Variants in CNTN4 observed in about 807,000 individuals in gnomAD.
CNTN4 encodes contactin 4.
Under a neutral mutation model 122.5 loss-of-function variants are expected in CNTN4, and 77 were observed. The observed-to-expected ratio is 0.63, with a 90% confidence interval of 0.52 to 0.76. The LOEUF (loss-of-function observed/expected upper bound fraction) is 0.76. CNTN4 is among the 30% of genes least tolerant of loss of function. The pLI is 0.00. For missense variants in CNTN4, 1,256 were observed against 1,259.1 expected, an observed-to-expected ratio of 1.00 and a Z score of 0.04; for synonymous variants, 512 against 447.0, an observed-to-expected ratio of 1.15 and a Z score of -1.83.
chr3:2,343,450 C>G (rs2044282626), intron 3 of CNTN4, among the ~76,000 whole-genome samples: 1 of 152,162 alleles, frequency 6.6e-6, no homozygotes, highest in South Asian at 2.1e-4. Flanking sequence ...TGTAACTTCA[C>G]TTCAGTCTCT....
At chr3:2,948,587 A>G (rs539279121) in intron 13 of CNTN4, among the ~76,000 whole-genome samples, 1 of 152,248 alleles carries the variant, frequency 6.6e-6, no homozygotes, top group African/African-American at 2.4e-5. Context: ...AAACAAAAAA[A>G]TATTTTTCTG....
chr3:3,032,266 T>C (rs1699228539), intron 16 of CNTN4, among the ~76,000 whole-genome samples: 1 of 152,244 alleles, frequency 6.6e-6, no homozygotes, highest in Non-Finnish European at 1.5e-5. Flanking sequence ...AAAAGAATTC[T>C]GTTGCTGAAA....
intron 4 of CNTN4, among the ~76,000 whole-genome samples, chr3:2,706,112 A>T (rs1332807244): frequency 6.6e-6 from 1 of 150,446 alleles, no homozygotes; most frequent in Admixed American, 6.8e-5. Context: ...TAGAGATTAG[A>T]CATCTATTAA....
rs935917842 is a variant in CNTN4, at chr3:2,239,995, G to T, written c.-144-99183G>T. Reference sequence around the variant, plus strand: ...TGATTTCTCTCTTCCTGCATAGGTTGCAGACTGAAGAGCATTAAAATATCT... The same window carrying T: ...TGATTTCTCTCTTCCTGCATAGGTTTCAGACTGAAGAGCATTAAAATATCT... On this transcript the variant is annotated intron_variant, in intron 2 of 24. Coordinates refer to ENST00000418658, the MANE Select transcript of CNTN4 (RefSeq NM_175607.3). 1.3e-4 allele frequency among the ~76,000 whole-genome samples: 20 copies of T among 152,292 alleles called. No individual in the cohort carries two copies. The Middle Eastern group carries it at 0.01, about 78-fold the overall frequency.
At chr3:2,159,168 G>A (rs1257015503) in intron 2 of CNTN4, among the ~76,000 whole-genome samples, 1 of 152,098 alleles carries the variant, frequency 6.6e-6, no homozygotes, top group African/African-American at 2.4e-5. Context: ...GTGTAAGATT[G>A]ATGCTCCAGA....
chr3:2,479,588 C>T (rs1486852194), intron 3 of CNTN4, among the ~76,000 whole-genome samples: 2 of 152,172 alleles, frequency 1.3e-5, no homozygotes, highest in African/African-American at 4.8e-5. Flanking sequence ...AAGATTGTAA[C>T]CCCATAGTAC....
chr3:2,655,172 C>T (rs1357055019), intron 4 of CNTN4, among the ~76,000 whole-genome samples: 3 of 152,156 alleles, frequency 2.0e-5, no homozygotes, highest in Non-Finnish European at 4.4e-5. Context: ...CCTCCTCCCT[C>T]CAGTGTGATA....
chr3:2,995,982 T>C (rs948532400), intron 14 of CNTN4, among the ~76,000 whole-genome samples: 12 of 152,172 alleles, frequency 7.9e-5, no homozygotes, highest in Admixed American at 3.3e-4. Context: ...TAAAGAATAA[T>C]ACATATGGTA....
chr3:2,174,708 T>A (rs1472344161), intron 2 of CNTN4, among the ~76,000 whole-genome samples: 1 of 152,128 alleles, frequency 6.6e-6, no homozygotes, highest in Non-Finnish European at 1.5e-5. Flanking sequence ...TAATTTATTT[T>A]AAAAAGAGGT....
intron 2 of CNTN4, among the ~76,000 whole-genome samples, chr3:2,310,015 T>C (rs2042857127): frequency 6.6e-6 from 1 of 152,170 alleles, no homozygotes; most frequent in Non-Finnish European, 1.5e-5. Context: ...CCCTACCTCT[T>C]TTTATATCAA....
chr3:2,424,309 T>C (rs979166052), intron 3 of CNTN4, among the ~76,000 whole-genome samples: 1 of 147,294 alleles, frequency 6.8e-6, no homozygotes, highest in African/African-American at 2.5e-5. Flanking sequence ...AGTGAGAACA[T>C]GTGATGTTTG....
intron 6 of CNTN4, among the ~76,000 whole-genome samples, chr3:2,760,747 A>G (rs2090550848): frequency 6.6e-6 from 1 of 152,186 alleles, no homozygotes; most frequent in Admixed American, 6.5e-5. Context: ...CAATATCAAT[A>G]AATTCTGGGC....
chr3:2,530,095 T>C (rs1457180288), intron 3 of CNTN4, among the ~76,000 whole-genome samples: 1 of 152,156 alleles, frequency 6.6e-6, no homozygotes, highest in Non-Finnish European at 1.5e-5. Flanking sequence ...AGTATAGATT[T>C]TCAGAAATCT....
chr3:2,898,285 T>G (rs1217423298), intron 10 of CNTN4, among the ~76,000 whole-genome samples: 1 of 152,226 alleles, frequency 6.6e-6, no homozygotes, highest in African/African-American at 2.4e-5. Flanking sequence ...TATGTTTATA[T>G]CAGTTCAAAT....
chr3:2,212,243 G>A (rs2038653839), intron 2 of CNTN4, among the ~76,000 whole-genome samples: 1 of 152,126 alleles, frequency 6.6e-6, no homozygotes, highest in African/African-American at 2.4e-5. Flanking sequence ...CCAAAGTGCT[G>A]TGATTACAGG....
intron 3 of CNTN4, among the ~76,000 whole-genome samples, chr3:2,564,792 G>A (rs2079090187): frequency 6.6e-6 from 1 of 151,968 alleles, no homozygotes; most frequent in Non-Finnish European, 1.5e-5. Flanking sequence ...TTTCTATAAG[G>A]GGAAAGTATA....
intron 2 of CNTN4, among the ~76,000 whole-genome samples, chr3:2,231,923 T>G (rs2039502652): frequency 6.6e-6 from 1 of 152,148 alleles, no homozygotes; most frequent in Admixed American, 6.5e-5. Context: ...TACAACACAT[T>G]CCTATGAAAT....
At chr3:2,148,268 T>C (rs1357944036) in intron 2 of CNTN4, among the ~76,000 whole-genome samples, 1 of 152,036 alleles carries the variant, frequency 6.6e-6, no homozygotes, top group Admixed American at 6.6e-5. Context: ...GCGCAGTGGC[T>C]CCCTCCCATA....
chr3:2,121,089 T>TTCCC (rs149691939), intron 2 of CNTN4, among the ~76,000 whole-genome samples: 32,863 of 151,344 alleles, frequency 0.22, 4,530 homozygotes, highest in Admixed American at 0.32. Flanking sequence ...CCTCCCTTCC[T>TTCCC]TCCCTCCCTT....
Sources: allele counts gnomAD v4.1 joint callset (sites outside exome capture counted in the v4.1 genomes callset), GRCh38; gene constraint gnomAD v4.1.1; transcripts MANE v1.5; gene names NCBI Gene and HGNC (gene_info 2026-07-23, HGNC 2026-07-21).